ZNF710: variants seen among roughly 807,000 people sequenced by gnomAD.
The protein encoded by ZNF710 is zinc finger protein 710.
Under a neutral mutation model 50.6 loss-of-function variants are expected in ZNF710, and 13 were observed. The observed-to-expected ratio is 0.26, with a 90% CI of 0.17 to 0.41. The LOEUF is 0.41. Among genes scored for constraint, ZNF710 ranks in the 10% least tolerant of loss-of-function variants. The pLI, the probability that ZNF710 is intolerant of heterozygous loss-of-function variation, is 1.00. For synonymous variants in ZNF710, 383 were observed against 397.0 expected (o/e 0.96, Z 0.42); for missense variants, 721 against 936.6 (o/e 0.77, Z 3.01).
chr15:90,058,701 T>TATATATATATATA (rs1567236919), intron 1 of ZNF710, among the ~76,000 whole-genome samples: 4 of 143,554 alleles, frequency 2.8e-5, no homozygotes, highest in African/African-American at 5.3e-5. Flanking sequence ...CACTATATAT[T>TATATATATATATA]TATATATATA....
chr15:90,035,322 C>T (rs1422468983), intron 1 of ZNF710, among the ~76,000 whole-genome samples: 6 of 152,214 alleles, frequency 3.9e-5, no homozygotes, highest in Admixed American at 6.5e-5. Flanking sequence ...TCAGCATTGG[C>T]CGTCCGGCTC....
At chr15:90,009,804 C>G (rs890054075) in intron 1 of ZNF710, among the ~76,000 whole-genome samples, 1 of 151,988 alleles carries the variant, frequency 6.6e-6, no homozygotes, top group African/African-American at 2.4e-5. Context: ...CTTGCCAGCT[C>G]AACAACAGTG....
chr15:90,043,785 G>A (rs943854903), intron 1 of ZNF710, among the ~76,000 whole-genome samples: 4 of 151,844 alleles, frequency 2.6e-5, no homozygotes, highest in Non-Finnish European at 4.4e-5. Flanking sequence ...TCTCTCCCCC[G>A]CCCTTTGTGT....
intron 2 of ZNF710, among the ~76,000 whole-genome samples, chr15:90,069,319 G>A (rs1407940873): frequency 1.3e-5 from 2 of 151,556 alleles, no homozygotes; most frequent in Non-Finnish European, 2.9e-5. Context: ...AAGGTGGGAG[G>A]AACACCTGAG....
chr15:90,003,283 T>C (rs1300581748), intron 1 of ZNF710, among the ~76,000 whole-genome samples: 1 of 152,180 alleles, frequency 6.6e-6, no homozygotes, highest in Non-Finnish European at 1.5e-5. Context: ...CTGAGCACCT[T>C]TCTTGCTGTG....
At chr15:90,045,778 G>A (rs1232733493) in intron 1 of ZNF710, among the ~76,000 whole-genome samples, 1 of 152,150 alleles carries the variant, frequency 6.6e-6, no homozygotes, top group Non-Finnish European at 1.5e-5. Context: ...ACAAGAAATC[G>A]GACATTGCCA....
chr15:90,057,730 G>A (rs1899868487), intron 1 of ZNF710, among the ~76,000 whole-genome samples: 1 of 111,752 alleles, frequency 8.9e-6, no homozygotes, highest in Non-Finnish European at 1.7e-5. Context: ...TAATAATTTG[G>A]AGAATCAGAA....
At chr15:90,023,609 A>G (rs1596271627) in intron 1 of ZNF710, among the ~76,000 whole-genome samples, 1 of 152,130 alleles carries the variant, frequency 6.6e-6, no homozygotes, top group East Asian at 1.9e-4. Flanking sequence ...TCTTGAGCCC[A>G]AGAGTTCACG....
At chr15:90,065,258 C>T (rs370523713) in intron 1 of ZNF710, among the ~76,000 whole-genome samples, 99 of 152,206 alleles carry the variant, frequency 6.5e-4, no homozygotes, top group African/African-American at 1.9e-3. Context: ...TGCCCGGAGC[C>T]GGTTTCCTGA....
chr15:90,074,326 GA>G (rs1900512737), intron 4 of ZNF710, 36 bp downstream of exon 4: 3 of 1,607,766 alleles, frequency 1.9e-6, no homozygotes, highest in Non-Finnish European at 1.7e-6. Flanking sequence ...GAGCAGGAAT[GA>G]TACCAACATG....
intron 1 of ZNF710, among the ~76,000 whole-genome samples, chr15:90,043,619 G>C (rs996561695): frequency 1.3e-5 from 2 of 152,196 alleles, no homozygotes; most frequent in Non-Finnish European, 2.9e-5. Context: ...AGAAAGGAGA[G>C]AAGGAGAAAA....
At chr15:90,036,783 G>A (rs1005834891) in intron 1 of ZNF710, among the ~76,000 whole-genome samples, 1 of 151,818 alleles carries the variant, frequency 6.6e-6, no homozygotes, top group African/African-American at 2.4e-5. Context: ...GCATGGGATC[G>A]TGTTACTTCT....
intron 1 of ZNF710, among the ~76,000 whole-genome samples, chr15:90,029,155 A>G (rs1248712898): frequency 1.3e-5 from 2 of 152,174 alleles, no homozygotes; most frequent in Non-Finnish European, 2.9e-5. Flanking sequence ...CCTGGCAATT[A>G]TAGAGATAAT....
chr15:90,005,504 A>G (rs1302526393), intron 1 of ZNF710, among the ~76,000 whole-genome samples: 2 of 152,010 alleles, frequency 1.3e-5, no homozygotes, highest in African/African-American at 2.4e-5. Flanking sequence ...GCTGGAGTGC[A>G]GTGGCGCGAT....
Position 90,001,589 on chromosome 15 carries a change from G to T in ZNF710, c.-54G>T. On this transcript the variant is annotated 5_prime_UTR_variant, in exon 1 of 5. Coordinates refer to ENST00000268154, the MANE Select transcript of ZNF710 (RefSeq NM_198526.4). ...CCGGCCCGGCCCGCCGAGGGCCCCA[G>T]CGCAGGAGCCGCGCCCGGACCCAGG... 6.9e-6 allele frequency: 1 copy of T among 145,552 alleles called. No homozygotes were observed. Among genetic ancestry groups the T allele is most frequent in the South Asian group, 1.8e-4 (1 of 5,422 alleles). The allele number at this position is 145,552 out of a possible 1,614,324, so 9.0% of individuals were successfully genotyped here. A position where few individuals can be genotyped will look rare whatever the true frequency, so the allele number is the denominator to read the frequency against.
chr15:90,027,974 C>T (rs1360232340), intron 1 of ZNF710, among the ~76,000 whole-genome samples: 2 of 152,222 alleles, frequency 1.3e-5, no homozygotes, highest in African/African-American at 2.4e-5. Flanking sequence ...GTCAGTTCTG[C>T]GTAACAGATA....
At chr15:90,052,204 C>T (rs73486376) in intron 1 of ZNF710, among the ~76,000 whole-genome samples, 8,081 of 152,176 alleles carry the variant, frequency 0.053, 712 homozygotes, top group African/African-American at 0.18. Flanking sequence ...TCACACAGCT[C>T]GAGGGCTCCT....
rs763080818 is a variant in ZNF710, at chr15:90,068,999, G to A, written c.1458+404G>A. 3.9e-5 allele frequency among the ~76,000 whole-genome samples: 6 copies of A among 151,970 alleles called. No homozygotes were observed. Among genetic ancestry groups the A allele is most frequent in the African/African-American group, 7.3e-5 (3 of 41,342 alleles). ...TCCCAGCACTTTGCGAGGCCAAGGC[G>A]GGCAGATCACCTGAGGTCAGGAGTT... On this transcript the variant is annotated intron_variant, in intron 2 of 4. Coordinates refer to ENST00000268154, the MANE Select transcript of ZNF710 (RefSeq NM_198526.4). This position sits in a 1 kb window ranked among gnomAD's most constrained non-coding sequence, Gnocchi z 5.0.
chr15:89,999,555 CCTT>C (rs1374139119), upstream of ZNF710, among the ~76,000 whole-genome samples: 6 of 152,170 alleles, frequency 3.9e-5, no homozygotes, highest in Non-Finnish European at 4.4e-5. Flanking sequence ...ACCATGGTGT[CCTT>C]CTTGTTGAAC....
Sources: gnomAD v4.1 joint callset for allele counts (sites outside exome capture counted in the v4.1 genomes callset) on GRCh38, gnomAD v4.1.1 for gene constraint, Gnocchi (gnomAD v3.1) non-coding constraint, MANE v1.5 for transcripts, NCBI Gene and HGNC (gene_info 2026-07-23, HGNC 2026-07-21) for gene names.